Variants in ARNT2 observed in about 807,000 individuals in gnomAD.
ARNT2 encodes the protein aryl hydrocarbon receptor nuclear translocator 2.
A neutral mutation model predicts 91.7 loss-of-function variants in ARNT2; 36 were observed. That is an observed-to-expected ratio of 0.39 (90% CI 0.30 to 0.52). The LOEUF (loss-of-function observed/expected upper bound fraction) is 0.52, where lower values mean the gene tolerates loss of function less well. ARNT2 is among the 20% of genes least tolerant of loss of function. The pLI is 0.72. For synonymous variants in ARNT2, 365 were observed against 347.1 expected (o/e 1.05, Z -0.57); for missense variants, 775 against 939.3 (o/e 0.83, Z 2.29).
chr15:80,477,843 A>C (rs1896830273), intron 5 of ARNT2, among the ~76,000 whole-genome samples: 1 of 152,222 alleles, frequency 6.6e-6, no homozygotes, highest in South Asian at 2.1e-4. Flanking sequence ...GATAAGAGTG[A>C]GTTTGATGTT....
chr15:80,421,907 A>G (rs1895866200), intron 1 of ARNT2, among the ~76,000 whole-genome samples: 1 of 152,234 alleles, frequency 6.6e-6, no homozygotes, highest in Admixed American at 6.5e-5. Flanking sequence ...GTGTCAGGAA[A>G]TTACAGCATT....
intron 8 of ARNT2, among the ~76,000 whole-genome samples, chr15:80,521,379 C>T (rs1897543262): frequency 6.6e-6 from 1 of 151,868 alleles, no homozygotes; most frequent in African/African-American, 2.4e-5. Flanking sequence ...ACAAAATATC[C>T]TGGCCACAAA....
intron 12 of ARNT2, among the ~76,000 whole-genome samples, chr15:80,567,685 G>A (rs1364388601): frequency 1.3e-5 from 2 of 152,208 alleles, no homozygotes; most frequent in Non-Finnish European, 2.9e-5. Context: ...TGTACAGGGG[G>A]TGGCCTACGT....
At position 80,573,337 on chromosome 15, in the gene ARNT2, A is replaced by G. The variant is rs138509083; in HGVS notation, c.1317-811A>G. On this transcript the variant is annotated intron_variant, in intron 12 of 18. Transcript: ENST00000303329. ...TACATGTATATTTGTCCTTTTATTT[A>G]TTTATTTATTTTGCTTGAATTGTCT... 2.6e-4 allele frequency among the ~76,000 whole-genome samples: 39 copies of G among 152,082 alleles called. No homozygotes were observed. The East Asian group carries it at 7.3e-3, about 29-fold the overall frequency.
rs145487629 is a variant in ARNT2, at chr15:80,549,459, C to T, written c.878-1740C>T. ...GGAAGAACATATTCATAACATATACCGCAAGGATTTAATATCCCAAATACA... is the reference window on the plus strand; with the variant it reads ...GGAAGAACATATTCATAACATATACTGCAAGGATTTAATATCCCAAATACA... On this transcript the variant is annotated intron_variant, in intron 8 of 18. Transcript: ENST00000303329. Among the ~76,000 whole-genome samples the T allele has an allele frequency of 2.3e-3, 344 of 152,088 alleles. 1 individual carries two copies. Among genetic ancestry groups the T allele is most frequent in the African/African-American group, 8.0e-3 (333 of 41,490 alleles).
chr15:80,500,866 A>G (rs1440091797), intron 5 of ARNT2, among the ~76,000 whole-genome samples: 1 of 152,234 alleles, frequency 6.6e-6, no homozygotes, highest in Non-Finnish European at 1.5e-5. Flanking sequence ...TTTATTTACA[A>G]AAACAAGTGG....
chr15:80,525,203 GTTGTATATTT>G lies in ARNT2; in HGVS notation c.877+10803_877+10812del, dbSNP rs535356475. On this transcript the variant is annotated intron_variant, in intron 8 of 18. Coordinates refer to ENST00000303329, the MANE Select transcript of ARNT2 (RefSeq NM_014862.4). ...TGAGTGGTCTGCACTGGATTTAGAA[GTTGTATATTT>G]TTGTTTGTTTGTTTTTATATTTAGT... Among the ~76,000 whole-genome samples the G allele has an allele frequency of 7.2e-5, 11 of 152,282 alleles. No homozygotes were observed. The East Asian group carries it at 2.1e-3, about 29-fold the overall frequency.
chr15:80,446,170 G>T (rs79092632), intron 1 of ARNT2, among the ~76,000 whole-genome samples: 1 of 152,042 alleles, frequency 6.6e-6, no homozygotes, highest in Non-Finnish European at 1.5e-5. Context: ...TAAGTAATTT[G>T]CTCAAGGGTT....
intron 8 of ARNT2, among the ~76,000 whole-genome samples, chr15:80,540,308 C>T (rs1452682386): frequency 2.0e-5 from 3 of 152,186 alleles, no homozygotes; most frequent in African/African-American, 7.2e-5. Flanking sequence ...CGTATCTTCA[C>T]TAACACATGA....
At chr15:80,545,321 T>C (rs78581737) in intron 8 of ARNT2, among the ~76,000 whole-genome samples, 13,702 of 152,234 alleles carry the variant, frequency 0.09, 704 homozygotes, top group Admixed American at 0.17. Flanking sequence ...GCTCTTTAAA[T>C]TCCTGAGGGG....
intron 1 of ARNT2, among the ~76,000 whole-genome samples, chr15:80,450,119 A>G (rs1345651326): frequency 1.3e-5 from 2 of 152,234 alleles, no homozygotes; most frequent in African/African-American, 2.4e-5. Context: ...GATGCTTAAC[A>G]TGACCTTAAC....
At chr15:80,521,654 A>G (rs1210762562) in intron 8 of ARNT2, among the ~76,000 whole-genome samples, 10 of 152,198 alleles carry the variant, frequency 6.6e-5, no homozygotes, top group Non-Finnish European at 1.0e-4. Context: ...AACACAAAGC[A>G]TATGGCAAAA....
intron 8 of ARNT2, among the ~76,000 whole-genome samples, chr15:80,520,015 T>TA (rs1051212391): frequency 6.6e-5 from 10 of 150,500 alleles, no homozygotes; most frequent in African/African-American, 2.4e-4. Flanking sequence ...TTTTTTTTTT[T>TA]AAATCTTTGT....
At chr15:80,450,780 C>G (rs1896376568) in intron 1 of ARNT2, 100 bp from the exon 2 acceptor site, 2 of 1,177,412 alleles carry the variant, frequency 1.7e-6, no homozygotes, top group African/African-American at 3.0e-5. Flanking sequence ...TCCCTGGGCT[C>G]TCTGCGCAGG....
chr15:80,564,089 G>A (rs1170188538), intron 12 of ARNT2, among the ~76,000 whole-genome samples: 7 of 152,186 alleles, frequency 4.6e-5, no homozygotes, highest in Non-Finnish European at 8.8e-5. Flanking sequence ...CCAGTGTGTC[G>A]GGAGGACTGT....
intron 2 of ARNT2, among the ~76,000 whole-genome samples, chr15:80,454,485 A>G (rs1221342192): frequency 6.6e-6 from 1 of 152,238 alleles, no homozygotes; most frequent in Non-Finnish European, 1.5e-5. Flanking sequence ...ACTTGTAGCC[A>G]TCTCCCTCTA....
intron 3 of ARNT2, among the ~76,000 whole-genome samples, chr15:80,463,812 C>T (rs990162689): frequency 3.9e-5 from 6 of 152,048 alleles, no homozygotes; most frequent in African/African-American, 9.7e-5. Context: ...TCAGGTGATC[C>T]GCCTGCCTTG....
intron 1 of ARNT2, among the ~76,000 whole-genome samples, chr15:80,446,442 C>T (rs911773310): frequency 6.6e-6 from 1 of 152,162 alleles, no homozygotes; most frequent in Admixed American, 6.5e-5. Context: ...ACATGTCCTA[C>T]GTGCCATACA....
intron 8 of ARNT2, among the ~76,000 whole-genome samples, chr15:80,539,576 G>C (rs71455339): frequency 2.6e-5 from 4 of 152,044 alleles, no homozygotes; most frequent in Admixed American, 2.6e-4. Flanking sequence ...CAATGTTTTG[G>C]AATTTCCAAG....
Sources: gnomAD v4.1 joint callset for allele counts (sites outside exome capture counted in the v4.1 genomes callset) on GRCh38, gnomAD v4.1.1 for gene constraint, MANE v1.5 for transcripts, NCBI Gene and HGNC (gene_info 2026-07-23, HGNC 2026-07-21) for gene names.